CCDC171: variants seen among roughly 807,000 people sequenced by gnomAD.
CCDC171 encodes the protein coiled-coil domain-containing protein 171.
Under a neutral mutation model 168.2 loss-of-function variants are expected in CCDC171, and 177 were observed. The observed-to-expected ratio is 1.05, with a 90% CI of 0.93 to 1.19. The LOEUF (loss-of-function observed/expected upper bound fraction) is 1.19. CCDC171 is among the 50% of genes most tolerant of loss of function. The pLI is 0.00. For synonymous variants in CCDC171, 687 were observed against 540.8 expected (o/e 1.27, Z -3.75); for missense variants, 1,991 against 1,539.0 (o/e 1.29, Z -4.91).
At chr9:15,976,436 T>G (rs549627376), downstream of CCDC171, among the ~76,000 whole-genome samples, 1 of 152,130 alleles carries the variant, frequency 6.6e-6, no homozygotes, top group Non-Finnish European at 1.5e-5. Flanking sequence ...TTGCCATAAC[T>G]TTTGATAATT....
At chr9:15,843,263 T>C (rs1171302737) in intron 21 of CCDC171, among the ~76,000 whole-genome samples, 1 of 152,090 alleles carries the variant, frequency 6.6e-6, no homozygotes, top group Non-Finnish European at 1.5e-5. Flanking sequence ...AAAAATTTGC[T>C]TTAAAACATT....
chr9:15,719,413 GGAAA>G (rs1273322006), intron 11 of CCDC171, among the ~76,000 whole-genome samples: 1 of 63,054 alleles, frequency 1.6e-5, no homozygotes, highest in African/African-American at 5.3e-5. Flanking sequence ...GCGGGGCGGG[GGAAA>G]GAGAGAGAGA....
intron 8 of CCDC171, among the ~76,000 whole-genome samples, chr9:15,664,272 A>G (rs557174095): frequency 1.3e-5 from 2 of 152,050 alleles, no homozygotes; most frequent in African/African-American, 4.8e-5. Context: ...TTTTTGAGAC[A>G]GGTTCTTGCT....
At chr9:15,681,739 A>C (rs1212129641) in intron 10 of CCDC171, among the ~76,000 whole-genome samples, 1 of 152,060 alleles carries the variant, frequency 6.6e-6, no homozygotes, top group Non-Finnish European at 1.5e-5. Flanking sequence ...TAAAATTTTA[A>C]GCCATAAGAA....
chr9:15,938,405 A>G (rs1827337712), intron 25 of CCDC171, among the ~76,000 whole-genome samples: 1 of 151,898 alleles, frequency 6.6e-6, no homozygotes, highest in South Asian at 2.1e-4. Context: ...TTAAGCTTAA[A>G]TAAAAGTTTT....
At chr9:15,778,468 G>A (rs1224025152) in intron 19 of CCDC171, among the ~76,000 whole-genome samples, 3 of 150,678 alleles carry the variant, frequency 2.0e-5, no homozygotes, top group Non-Finnish European at 4.4e-5. Flanking sequence ...GTGAAACCCC[G>A]CCTCTACCAA....
At chr9:15,750,008 C>G (rs1011175150) in intron 18 of CCDC171, among the ~76,000 whole-genome samples, 3 of 148,184 alleles carry the variant, frequency 2.0e-5, no homozygotes, top group Admixed American at 6.7e-5. Context: ...ACAAAAAAAC[C>G]CTTTAAAAAA....
chr9:16,088,090 T>A, the CCDC171 span, among the ~76,000 whole-genome samples: 5 of 152,278 alleles, frequency 3.3e-5, no homozygotes, highest in East Asian at 7.7e-4. Flanking sequence ...ATAAATGTAA[T>A]CCATAACATA....
the CCDC171 span, among the ~76,000 whole-genome samples, chr9:16,093,806 C>G: frequency 3.3e-5 from 5 of 152,256 alleles, no homozygotes; most frequent in Non-Finnish European, 5.9e-5. Flanking sequence ...CTCTAGCAGT[C>G]GGCACATAGA....
chr9:15,714,289 A>C (rs1201351231), intron 11 of CCDC171, among the ~76,000 whole-genome samples: 3 of 152,106 alleles, frequency 2.0e-5, no homozygotes, highest in Non-Finnish European at 4.4e-5. Context: ...TGGCTTTTCC[A>C]CTTGATTTTC....
intron 10 of CCDC171, among the ~76,000 whole-genome samples, chr9:15,686,592 T>TA (rs775753004): frequency 5.3e-5 from 8 of 149,808 alleles, no homozygotes; most frequent in South Asian, 4.3e-4. Context: ...ATGCACCCAA[T>TA]AAAAAAAAAC....
At chr9:16,018,328 G>A (rs1274258611) in intron 3 of CCDC171, among the ~76,000 whole-genome samples, 1 of 152,182 alleles carries the variant, frequency 6.6e-6, no homozygotes, top group Non-Finnish European at 1.5e-5. Context: ...GAAAGGGCAG[G>A]AGATGATTCC....
the CCDC171 span, among the ~76,000 whole-genome samples, chr9:16,092,911 G>A: frequency 6.6e-6 from 1 of 152,240 alleles, no homozygotes; most frequent in East Asian, 1.9e-4. Flanking sequence ...CTGGCCCTGT[G>A]CAGCCTGGTG....
intron 6 of CCDC171, among the ~76,000 whole-genome samples, chr9:15,621,395 A>T (rs2044494688): frequency 6.6e-6 from 1 of 152,132 alleles, no homozygotes; most frequent in Non-Finnish European, 1.5e-5. Context: ...AATTGATGTG[A>T]CTCACTTTAT....
intron 24 of CCDC171, among the ~76,000 whole-genome samples, chr9:15,905,887 A>G (rs545412653): frequency 2.2e-4 from 33 of 152,344 alleles, no homozygotes; most frequent in African/African-American, 7.7e-4. Flanking sequence ...AGAGAATACT[A>G]TGAACACCTC....
chr9:15,786,265 A>C (rs1221974112), intron 21 of CCDC171, among the ~76,000 whole-genome samples: 1 of 152,176 alleles, frequency 6.6e-6, no homozygotes, highest in African/African-American at 2.4e-5. Context: ...ATTACTTAGT[A>C]ATAGATTGTG....
chr9:16,068,751 G>T, the CCDC171 span, among the ~76,000 whole-genome samples: 1 of 132,840 alleles, frequency 7.5e-6, no homozygotes, highest in African/African-American at 2.5e-5. Flanking sequence ...AGAAACCTGG[G>T]GTCATACGAT....
intron 21 of CCDC171, among the ~76,000 whole-genome samples, chr9:15,845,212 G>A (rs954623992): frequency 1.3e-5 from 2 of 152,016 alleles, no homozygotes; most frequent in South Asian, 4.1e-4. Flanking sequence ...AAATTAGTAG[G>A]TTTAGCGTGG....
rs183436513 is a variant in CCDC171, at chr9:15,728,021, C to T, written c.1845C>T (p.Asn615=). Residue 615 remains asparagine (N), a synonymous_variant, in exon 15 of 26, where the codon AAC becomes AAT. Transcript: ENST00000380701. The stretch of plus-strand genomic sequence containing the variant: ...TTGATGCCCTGATTGCAGACCTCAA[C>T]AGGGCTAATGAGAAGGTAACTGTCC... ...ENVDALIADL[N]RANEKIRHLE... 205 of 1,612,128 alleles carry T rather than the reference C, an allele frequency of 1.3e-4. No individual in the cohort carries two copies. The Admixed American group carries it at 3.2e-3, about 25-fold the overall frequency.
Sources: gnomAD v4.1 joint callset for allele counts (sites outside exome capture counted in the v4.1 genomes callset) on GRCh38, gnomAD v4.1.1 for gene constraint, MANE v1.5 for transcripts, NCBI Gene and HGNC (gene_info 2026-07-23, HGNC 2026-07-21) for gene names.